ARHGEF28: variants seen among roughly 807,000 people sequenced by gnomAD.
ARHGEF28 encodes 190 kDa guanine nucleotide exchange factor.
ARHGEF28 carries 152 observed loss-of-function variants against 206.6 expected under a neutral mutation model. The observed-to-expected ratio is 0.74, with a 90% confidence interval of 0.64 to 0.84. The LOEUF (loss-of-function observed/expected upper bound fraction) is 0.84, where lower values mean the gene tolerates loss of function less well. Among genes scored for constraint, ARHGEF28 ranks in the 40% least tolerant of loss-of-function variants. The pLI, the probability that ARHGEF28 is intolerant of heterozygous loss-of-function variation, is 0.00. For missense variants in ARHGEF28, 2,028 were observed against 2,073.2 expected, an observed-to-expected ratio of 0.98 and a Z score of 0.42; for synonymous variants, 763 against 776.4, an observed-to-expected ratio of 0.98 and a Z score of 0.29.
intron 24 of ARHGEF28, among the ~76,000 whole-genome samples, chr5:73,884,430 C>T (rs572553309): frequency 1.6e-4 from 24 of 152,294 alleles, no homozygotes; most frequent in African/African-American, 4.3e-4. Context: ...GTCTGGTTTA[C>T]AGCTGAATCT....
intron 1 of ARHGEF28, among the ~76,000 whole-genome samples, chr5:73,666,320 C>T (rs1022728895): frequency 6.6e-6 from 1 of 152,232 alleles, no homozygotes; most frequent in Non-Finnish European, 1.5e-5. Flanking sequence ...TGGGCTCACT[C>T]AACCCAGTAG....
chr5:73,676,527 A>G (rs1396576770), intron 1 of ARHGEF28, among the ~76,000 whole-genome samples: 1 of 152,122 alleles, frequency 6.6e-6, no homozygotes, highest in African/African-American at 2.4e-5. Context: ...GCATGAACCA[A>G]CATGCCAGGC....
intron 1 of ARHGEF28, among the ~76,000 whole-genome samples, chr5:73,636,349 A>G (rs1743715532): frequency 6.6e-6 from 1 of 152,244 alleles, no homozygotes; most frequent in South Asian, 2.1e-4. Flanking sequence ...AACAGTTTAA[A>G]GAAACTACAT....
chr5:73,923,687 T>TA (rs34814407), intron 35 of ARHGEF28, among the ~76,000 whole-genome samples: 43,609 of 152,066 alleles, frequency 0.29, 8,253 homozygotes, highest in African/African-American at 0.53. Context: ...AAGGTGGGCT[T>TA]AAGGTAAAAC....
intron 1 of ARHGEF28, among the ~76,000 whole-genome samples, chr5:73,669,636 A>G (rs913213411): frequency 6.2e-4 from 94 of 152,238 alleles, no homozygotes; most frequent in Admixed American, 5.7e-3. Flanking sequence ...AACAACGAAT[A>G]TAGACATTGA....
At chr5:73,744,996 A>C (rs1179031778) in intron 2 of ARHGEF28, among the ~76,000 whole-genome samples, 1 of 152,008 alleles carries the variant, frequency 6.6e-6, no homozygotes, top group Admixed American at 6.6e-5. Flanking sequence ...GAGGTCCTCA[A>C]ACTGTCTGAA....
intron 35 of ARHGEF28, among the ~76,000 whole-genome samples, chr5:73,925,355 T>G (rs947225532): frequency 6.6e-6 from 1 of 152,188 alleles, no homozygotes; most frequent in African/African-American, 2.4e-5. Context: ...TGTACATGTG[T>G]TTCCTCTATC....
At position 73,776,603 on chromosome 5, in the gene ARHGEF28, G is replaced by A. The variant is rs779889689; in HGVS notation, c.747G>A (p.Leu249=). The A allele has an allele frequency of 9.9e-6, 16 of 1,613,938 alleles. No homozygotes were observed. The highest frequency in any genetic ancestry group is 1.4e-5 in the Non-Finnish European group (16 of 1,179,848). Residue 249 remains leucine, a synonymous_variant, in exon 6 of 36, where the codon CTG becomes CTA. Transcript: ENST00000513042. ...ATTACATTCACTCATCGGAAACGCT[G>A]ACCCTGACCCTGAACCACACAGCCG... is the stretch of plus-strand genomic sequence containing the variant. The part of the protein sequence containing the change: ...SLHYIHSSET[L]TLTLNHTAEH...
chr5:73,760,941 T>C (rs1348375289), intron 4 of ARHGEF28, among the ~76,000 whole-genome samples: 4 of 152,224 alleles, frequency 2.6e-5, no homozygotes, highest in African/African-American at 4.8e-5. Context: ...ATGGCCCTTA[T>C]ACTGGAATAG....
chr5:73,924,244 T>TA (rs1763680977), intron 35 of ARHGEF28, among the ~76,000 whole-genome samples: 1 of 152,228 alleles, frequency 6.6e-6, no homozygotes, highest in African/African-American at 2.4e-5. Context: ...ACTTTATTTA[T>TA]ACTGAACAAT....
At chr5:73,896,984 CAGG>C (rs1761994512) in intron 29 of ARHGEF28, among the ~76,000 whole-genome samples, 1 of 152,226 alleles carries the variant, frequency 6.6e-6, no homozygotes, top group African/African-American at 2.4e-5. Flanking sequence ...AAAGATGGAG[CAGG>C]AGTTCTTATC....
chr5:73,861,474 C>T (rs1279237379), intron 16 of ARHGEF28, among the ~76,000 whole-genome samples: 2 of 152,068 alleles, frequency 1.3e-5, no homozygotes, highest in African/African-American at 4.8e-5. Flanking sequence ...GCTCTGTTGC[C>T]CAGGCTGGAG....
At chr5:73,693,708 T>C (rs1388400270) in intron 2 of ARHGEF28, among the ~76,000 whole-genome samples, 1 of 152,252 alleles carries the variant, frequency 6.6e-6, no homozygotes, top group African/African-American at 2.4e-5. Flanking sequence ...CAGCAGCATG[T>C]GCATCTCAGA....
intron 35 of ARHGEF28, among the ~76,000 whole-genome samples, chr5:73,919,326 A>G (rs1351938695): frequency 6.6e-6 from 1 of 152,234 alleles, no homozygotes; most frequent in African/African-American, 2.4e-5. Flanking sequence ...TAAAAAGGGT[A>G]ACTATCTTTC....
chr5:73,674,854 G>C (rs1426275267), intron 1 of ARHGEF28, among the ~76,000 whole-genome samples: 1 of 152,218 alleles, frequency 6.6e-6, no homozygotes, highest in African/African-American at 2.4e-5. Flanking sequence ...GGCAGAACAC[G>C]TGGAGGTTCC....
At position 73,884,588 on chromosome 5, in the gene ARHGEF28, T is replaced by C. The variant is rs1467756706; in HGVS notation, c.3055+704T>C. On this transcript the variant is annotated intron_variant, in intron 24 of 35. Coordinates refer to ENST00000513042, the MANE Select transcript of ARHGEF28 (RefSeq NM_001177693.2). ...TTATTATTAGGGTGGTAGTGTGTTATGTTAAAAAGGGCTTGGGTTTGGAAT... is the reference window on the plus strand; with the variant it reads ...TTATTATTAGGGTGGTAGTGTGTTACGTTAAAAAGGGCTTGGGTTTGGAAT... Among the ~76,000 whole-genome samples, 3 of 152,244 alleles carry C rather than the reference T, an allele frequency of 2.0e-5. No individual in the cohort carries two copies. In the East Asian group the frequency reaches 5.8e-4, roughly 29 times the overall value.
At chr5:73,864,910 G>T (rs1237791810) in intron 17 of ARHGEF28, 38 bp downstream of exon 17, 2 of 1,575,162 alleles carry the variant, frequency 1.3e-6, no homozygotes, top group Non-Finnish European at 1.7e-6. Context: ...TATGTGGCAT[G>T]GTTGCTTCAT....
At chr5:73,759,296 A>G (rs1013411939) in intron 4 of ARHGEF28, among the ~76,000 whole-genome samples, 1 of 152,222 alleles carries the variant, frequency 6.6e-6, no homozygotes, top group Non-Finnish European at 1.5e-5. Context: ...TTCAAGGACA[A>G]ATCCAAGTAC....
chr5:73,815,190 G>GTATATATA (rs34284444), intron 9 of ARHGEF28, among the ~76,000 whole-genome samples: 5 of 148,456 alleles, frequency 3.4e-5, no homozygotes, highest in Non-Finnish European at 6.0e-5. Flanking sequence ...GATTCAGGGG[G>GTATATATA]TATATATATA....
Sources: allele counts gnomAD v4.1 joint callset (sites outside exome capture counted in the v4.1 genomes callset), GRCh38; gene constraint gnomAD v4.1.1; transcripts MANE v1.5; gene names NCBI Gene and HGNC (gene_info 2026-07-23, HGNC 2026-07-21).